ZC3H12B: variants seen among roughly 807,000 people sequenced by gnomAD.
ZC3H12B encodes probable ribonuclease ZC3H12B.
ZC3H12B carries 7 observed loss-of-function variants against 43.9 expected under a neutral mutation model. The ratio of observed to expected loss-of-function variants is 0.16; its 90% CI spans 0.09 to 0.30. The LOEUF is 0.30. ZC3H12B is among the 10% of genes least tolerant of loss of function. The pLI is 1.00. For synonymous variants in ZC3H12B, 222 were observed against 241.7 expected (o/e 0.92, Z 0.76); for missense variants, 475 against 670.2 (o/e 0.71, Z 3.22).
the ZC3H12B span, among the ~76,000 whole-genome samples, chrX:65,332,462 C>A: frequency 9.0e-6 from 1 of 111,693 alleles, no homozygotes; most frequent in Non-Finnish European, 1.9e-5. Flanking sequence ...AACAATAAAG[C>A]AAAATAAGCA....
chrX:65,345,722 AAAAG>A, the ZC3H12B span, among the ~76,000 whole-genome samples: 1 of 112,087 alleles, frequency 8.9e-6, no homozygotes, highest in African/African-American at 3.2e-5. Context: ...TAAGCAATAA[AAAAG>A]AAAGACTCCA....
the ZC3H12B span, among the ~76,000 whole-genome samples, chrX:65,174,063 C>G: frequency 9.0e-6 from 1 of 111,296 alleles, no homozygotes; most frequent in Admixed American, 9.6e-5. Flanking sequence ...TGGGTAACAC[C>G]AGTGGAGGCT....
At chrX:65,078,062 GAA>G in the ZC3H12B span, among the ~76,000 whole-genome samples, 75 of 111,982 alleles carry the variant, frequency 6.7e-4, no homozygotes, top group South Asian at 4.8e-3. Flanking sequence ...GAATGTGAGA[GAA>G]AGAGATTCAA....
chrX:65,306,546 G>T, the ZC3H12B span, among the ~76,000 whole-genome samples: 2 of 110,720 alleles, frequency 1.8e-5, no homozygotes, highest in African/African-American at 6.6e-5. Flanking sequence ...CTAATTTTTT[G>T]TGTGTTTTAA....
At chrX:65,118,188 A>C in the ZC3H12B span, among the ~76,000 whole-genome samples, 107 of 111,621 alleles carry the variant, frequency 9.6e-4, no homozygotes, top group African/African-American at 2.3e-3. Context: ...TTCTTCCTAA[A>C]CAGGAGCATG....
upstream of ZC3H12B, among the ~76,000 whole-genome samples, chrX:65,363,432 C>T (rs959412240): frequency 6.3e-5 from 7 of 111,999 alleles, no homozygotes; most frequent in Non-Finnish European, 1.3e-4. Flanking sequence ...TGGTTGGATA[C>T]TTTCACCTTT....
chrX:65,046,432 C>A, the ZC3H12B span, among the ~76,000 whole-genome samples: 2 of 111,876 alleles, frequency 1.8e-5, no homozygotes, highest in Admixed American at 1.9e-4. Flanking sequence ...TTGCCTCAAA[C>A]CTCATGAATC....
At chrX:65,160,865 T>C in the ZC3H12B span, among the ~76,000 whole-genome samples, 2 of 111,367 alleles carry the variant, frequency 1.8e-5, no homozygotes, top group Middle Eastern at 4.6e-3. Flanking sequence ...AGTGTCAATT[T>C]TGGATCGTTC....
chrX:65,080,400 T>G, the ZC3H12B span, among the ~76,000 whole-genome samples: 1 of 110,451 alleles, frequency 9.1e-6, no homozygotes, highest in Non-Finnish European at 1.9e-5. Flanking sequence ...CAAGAAGATT[T>G]AACTGAAAGA....
chrX:65,311,606 A>G, the ZC3H12B span, among the ~76,000 whole-genome samples: 1 of 111,913 alleles, frequency 8.9e-6, no homozygotes, highest in Non-Finnish European at 1.9e-5. Flanking sequence ...AGGATCTAGA[A>G]CTAGAAATAC....
chrX:65,102,739 G>A, the ZC3H12B span, among the ~76,000 whole-genome samples: 3 of 111,285 alleles, frequency 2.7e-5, no homozygotes, highest in East Asian at 2.8e-4. Context: ...AGGGGAACCC[G>A]TCCCCGATAA....
the ZC3H12B span, among the ~76,000 whole-genome samples, chrX:65,356,658 A>T: frequency 8.9e-6 from 1 of 111,962 alleles, no homozygotes; most frequent in Admixed American, 9.5e-5. Context: ...GTTATTTTGT[A>T]TAAAATTTTA....
At chrX:65,328,473 G>T in the ZC3H12B span, 1 of 249,751 alleles carries the variant, frequency 4.0e-6, no homozygotes, top group Non-Finnish European at 7.9e-6. Context: ...AGCTCTTCAG[G>T]AATCTTTACT....
the ZC3H12B span, among the ~76,000 whole-genome samples, chrX:65,318,420 C>CT: frequency 7.5e-4 from 70 of 93,090 alleles, no homozygotes; most frequent in South Asian, 1.5e-3. Context: ...CTTCTTTCTC[C>CT]TTTTTTTTTT....
the ZC3H12B span, among the ~76,000 whole-genome samples, chrX:65,311,054 T>A: frequency 1.8e-5 from 2 of 111,385 alleles, no homozygotes; most frequent in Admixed American, 1.9e-4. Flanking sequence ...TAGAAGAAAA[T>A]CTAGGCAATA....
At chrX:65,212,663 TA>T in the ZC3H12B span, among the ~76,000 whole-genome samples, 4 of 87,978 alleles carry the variant, frequency 4.5e-5, no homozygotes, top group South Asian at 4.8e-4. Context: ...ATATTATATA[TA>T]AATATATATG....
the ZC3H12B span, among the ~76,000 whole-genome samples, chrX:65,053,424 A>G: frequency 9.0e-6 from 1 of 111,127 alleles, no homozygotes; most frequent in Non-Finnish European, 1.9e-5. Context: ...ATGTCCCTAC[A>G]AAGGACATGA....
chrX:65,330,986 CA>C, the ZC3H12B span: 2 of 328,296 alleles, frequency 6.1e-6, no homozygotes, highest in Non-Finnish European at 1.2e-5. Flanking sequence ...TTTCCCTCTG[CA>C]TATTGTTCCT....
chrX:65,087,026 C>A, the ZC3H12B span, among the ~76,000 whole-genome samples: 1 of 110,319 alleles, frequency 9.1e-6, no homozygotes, highest in Non-Finnish European at 1.9e-5. Context: ...GGTTCTGATG[C>A]TCTGGCTGGC....
Sources: allele counts gnomAD v4.1 joint callset (sites outside exome capture counted in the v4.1 genomes callset), GRCh38; gene constraint gnomAD v4.1.1; transcripts MANE v1.5; gene names NCBI Gene and HGNC (gene_info 2026-07-23, HGNC 2026-07-21).